Variants in RHCE observed in about 807,000 individuals in gnomAD.
RHCE encodes the protein blood group Rh(CE) polypeptide.
A neutral mutation model predicts 43.8 loss-of-function variants in RHCE; 22 were observed. The observed-to-expected ratio is 0.50, with a 90% CI of 0.36 to 0.72. RHCE has a LOEUF of 0.72. Among genes scored for constraint, RHCE ranks in the 30% least tolerant of loss-of-function variants. RHCE has a pLI of 0.00. For missense variants in RHCE, 385 were observed against 525.4 expected, an observed-to-expected ratio of 0.73 and a Z score of 2.61; for synonymous variants, 156 against 210.7, an observed-to-expected ratio of 0.74 and a Z score of 2.25.
intron 2 of RHCE, among the ~76,000 whole-genome samples, chr1:25,405,106 C>A (rs1488276107): frequency 6.7e-6 from 1 of 149,244 alleles, no homozygotes; most frequent in Non-Finnish European, 1.5e-5. Context: ...GGCTGTAATT[C>A]CAGTACTTTT....
chr1:25,415,764 C>G (rs1647362362), intron 1 of RHCE, among the ~76,000 whole-genome samples: 1 of 151,290 alleles, frequency 6.6e-6, no homozygotes, highest in Non-Finnish European at 1.5e-5. Flanking sequence ...GAAGTAGAAA[C>G]AGAGGCAGAA....
intron 6 of RHCE, among the ~76,000 whole-genome samples, chr1:25,387,738 A>G (rs1267377509): frequency 2.6e-5 from 4 of 152,088 alleles, no homozygotes; most frequent in African/African-American, 9.7e-5. Flanking sequence ...TTATTTTTTA[A>G]TGACCTCCAG....
At chr1:25,421,534 C>T (rs1164031625), upstream of RHCE, among the ~76,000 whole-genome samples, 2 of 152,184 alleles carry the variant, frequency 1.3e-5, no homozygotes, top group African/African-American at 2.4e-5. Flanking sequence ...CCTCACAGGG[C>T]AGCCCAGGAC....
intron 1 of RHCE, among the ~76,000 whole-genome samples, chr1:25,411,748 T>C (rs1258860058): frequency 6.6e-6 from 1 of 152,122 alleles, no homozygotes; most frequent in Non-Finnish European, 1.5e-5. Context: ...ATTACTCAAA[T>C]TCCCTCAGGA....
Position 25,362,341 on chromosome 1 carries a change from T to C in RHCE, c.*186A>G, listed in dbSNP as rs1432309524. ...AAACTAAACATTTATTTTAAACTTA[T>C]TAAATTGACTCTTAAACTAAGTTTT... is the stretch of plus-strand genomic sequence containing the variant. On this transcript the variant is annotated 3_prime_UTR_variant, in exon 10 of 10. Coordinates refer to ENST00000294413, the MANE Select transcript of RHCE (RefSeq NM_020485.8). 1.5e-6 allele frequency: 2 copies of C among 1,325,186 alleles called. No individual in the cohort carries two copies. Among genetic ancestry groups the C allele is most frequent in the Non-Finnish European group, 2.1e-6 (2 of 958,382 alleles). The allele number at this position is 1,325,186 out of a possible 1,614,324, so 82.1% of individuals were successfully genotyped here.
intron 2 of RHCE, among the ~76,000 whole-genome samples, chr1:25,403,858 T>A (rs1646830487): frequency 6.6e-6 from 1 of 151,844 alleles, no homozygotes; most frequent in Non-Finnish European, 1.5e-5. Context: ...TGTAACAGCA[T>A]CACCTCTTTT....
intron 9 of RHCE, among the ~76,000 whole-genome samples, chr1:25,369,242 T>C (rs977885421): frequency 1.3e-5 from 2 of 151,554 alleles, no homozygotes; most frequent in African/African-American, 2.4e-5. Context: ...TCTGTCTCTT[T>C]AGTGAGCAAC....
intron 2 of RHCE, among the ~76,000 whole-genome samples, chr1:25,428,315 T>C (rs1039630912): frequency 1.3e-5 from 2 of 152,236 alleles, no homozygotes; most frequent in Non-Finnish European, 1.5e-5. Flanking sequence ...CTTTACCATG[T>C]ACCTGTTCCT....
intron 1 of RHCE, among the ~76,000 whole-genome samples, chr1:25,409,855 C>G (rs1048743381): frequency 6.6e-6 from 1 of 151,648 alleles, no homozygotes; most frequent in African/African-American, 2.4e-5. Flanking sequence ...AACCAAGGCA[C>G]AGAGGCGTTA....
intron 3 of RHCE, chr1:25,399,334 A>T: frequency 4.0e-6 from 3 of 754,954 alleles, no homozygotes; most frequent in Non-Finnish European, 6.9e-6. Flanking sequence ...TAATCACAAG[A>T]TTATTTTCAG....
At chr1:25,408,600 A>C in intron 2 of RHCE, 83 bp downstream of exon 2, 1 of 926,246 alleles carries the variant, frequency 1.1e-6, no homozygotes. Flanking sequence ...GAGAGGGGGC[A>C]ATATCCCAGA....
chr1:25,399,084 A>G, intron 3 of RHCE: 2 of 1,598,546 alleles, frequency 1.3e-6, no homozygotes, highest in Non-Finnish European at 1.7e-6. Context: ...TGCCTCGCAG[A>G]AAGCTGCCAA....
intron 7 of RHCE, among the ~76,000 whole-genome samples, chr1:25,376,317 A>T (rs576392426): frequency 6.6e-6 from 1 of 152,162 alleles, no homozygotes; most frequent in African/African-American, 2.4e-5. Context: ...AGGGTTCAGC[A>T]TGCACCTGGG....
chr1:25,392,972 A>T (rs961873272), intron 3 of RHCE, among the ~76,000 whole-genome samples: 1 of 152,184 alleles, frequency 6.6e-6, no homozygotes, highest in Non-Finnish European at 1.5e-5. Context: ...TTAACTCTGC[A>T]GGAGTGATGA....
intron 3 of RHCE, chr1:25,399,091 C>G: frequency 6.3e-7 from 1 of 1,593,648 alleles, no homozygotes; most frequent in South Asian, 1.1e-5. Context: ...CAGAAAGCTG[C>G]CAAGGCAGGG....
intron 7 of RHCE, among the ~76,000 whole-genome samples, chr1:25,380,899 CTTTTTTT>C (rs898980956): frequency 7.8e-6 from 1 of 128,942 alleles, no homozygotes; most frequent in African/African-American, 3.1e-5. Context: ...TTCTTTCTTC[CTTTTTTT>C]TTTTTTTTTT....
rs778281939 is a variant in RHCE, at chr1:25,420,756, G to A, written c.31C>T (p.Arg11Cys). Reference protein sequence around the residue: MSSKYPRSVRRCLPLCALTLE... With the variant: MSSKYPRSVRCCLPLCALTLE... ...GTTAGGGCGCAGAGGGGCAGGCAGC[G>A]CCGGACAGACCGCGGGTACTTAGAG... Residue 11 changes from arginine (R) to cysteine (C), a missense_variant, in exon 1 of 10, where the codon CGC becomes TGC. Transcript: ENST00000294413. The A allele has an allele frequency of 1.1e-5, 18 of 1,609,260 alleles. No individual in the cohort carries two copies. In the East Asian group the frequency reaches 1.3e-4, roughly 12 times the overall value.
chr1:25,389,002 A>C lies in RHCE; in HGVS notation c.913T>G (p.Ser305Ala). ...MVLGLVAGLI[S>A]IGGAKCLPVC... ...GGCAGGCACTTGGCTCCCCCGATGGAGATCAGCCCAGCCACAAGACCCAGC... is the reference window on the plus strand; with the variant it reads ...GGCAGGCACTTGGCTCCCCCGATGGCGATCAGCCCAGCCACAAGACCCAGC... The change falls in exon 6 of 10, where the codon TCC becomes GCC. Residue 305 changes from serine (S) to alanine (A), a missense_variant. By Grantham distance (99) the Ser-to-Ala change is moderately conservative. Around this residue, in one of 6 missense-constraint regions of RHCE, gnomAD observed 82 missense variants for 69.2 expected, o/e 1.18. Coordinates refer to ENST00000294413, the MANE Select transcript of RHCE (RefSeq NM_020485.8). 2 of 1,614,198 alleles carry C rather than the reference A, an allele frequency of 1.2e-6. No individual in the cohort carries two copies. Among genetic ancestry groups the C allele is most frequent in the Non-Finnish European group, 1.7e-6 (2 of 1,180,028 alleles).
At chr1:25,373,866 T>C (rs987734362) in intron 8 of RHCE, among the ~76,000 whole-genome samples, 1 of 150,806 alleles carries the variant, frequency 6.6e-6, no homozygotes, top group East Asian at 1.9e-4. Flanking sequence ...AGTCTCACTC[T>C]GTCACCTAGG....
Sources: allele counts gnomAD v4.1 joint callset (sites outside exome capture counted in the v4.1 genomes callset), GRCh38; gene constraint gnomAD v4.1.1; regional missense constraint gnomAD v4.1.1; transcripts MANE v1.5; gene names NCBI Gene and HGNC (gene_info 2026-07-23, HGNC 2026-07-21).